Variants in ANKFY1 observed in about 807,000 individuals in gnomAD.
ANKFY1 encodes ankyrin repeat and FYVE domain-containing protein 1.
ANKFY1 carries 47 observed loss-of-function variants against 128.3 expected under a neutral mutation model. The ratio of observed to expected loss-of-function variants is 0.37; its 90% CI spans 0.29 to 0.47. The LOEUF is 0.47. Ranked by LOEUF, ANKFY1 falls within the 20% of genes least tolerant of loss-of-function variation. The pLI is 1.00. For synonymous variants in ANKFY1, 553 were observed against 601.6 expected, an observed-to-expected ratio of 0.92 and a Z score of 1.18; for missense variants, 1,222 against 1,510.6, an observed-to-expected ratio of 0.81 and a Z score of 3.17.
intron 7 of ANKFY1, among the ~76,000 whole-genome samples, chr17:4,198,124 C>T (rs562090820): frequency 8.7e-5 from 13 of 148,682 alleles, no homozygotes; most frequent in African/African-American, 3.0e-4. Flanking sequence ...AGCAAAACTC[C>T]GTCTTAAAAA....
chr17:4,167,771 G>A lies in ANKFY1; in HGVS notation c.*8C>T, dbSNP rs2059236140. The A allele has an allele frequency of 3.1e-6, 5 of 1,612,098 alleles. No individual in the cohort carries two copies. The highest frequency in any genetic ancestry group is 4.2e-6 in the Non-Finnish European group (5 of 1,178,776). ...CAAGGACGTGGCCTGGACCCTCCGG[G>A]GGGCTCACTAAGAAACCCCACCCAG... On this transcript the variant is annotated 3_prime_UTR_variant, in exon 25 of 25. Coordinates refer to ENST00000341657, the MANE Select transcript of ANKFY1 (RefSeq NM_001330063.2). The surrounding 1 kb of genome is among the most constrained non-coding windows in gnomAD (Gnocchi z 4.1).
intron 1 of ANKFY1, 106 bp downstream of exon 1, chr17:4,263,826 C>T: frequency 3.1e-6 from 5 of 1,610,050 alleles, no homozygotes; most frequent in Non-Finnish European, 4.2e-6. Context: ...CCCGCGGAGC[C>T]CCCATGCAAC....
At chr17:4,218,035 C>T (rs974407021) in intron 3 of ANKFY1, among the ~76,000 whole-genome samples, 3 of 152,052 alleles carry the variant, frequency 2.0e-5, no homozygotes, top group African/African-American at 4.8e-5. Context: ...AATAAAAAGA[C>T]GGATACCCAA....
intron 4 of ANKFY1, among the ~76,000 whole-genome samples, chr17:4,211,522 T>C (rs1038743690): frequency 1.3e-5 from 2 of 151,930 alleles, no homozygotes; most frequent in Non-Finnish European, 2.9e-5. Context: ...CTACAATGGA[T>C]GTCCTCATAA....
Position 4,259,525 on chromosome 17 carries a change from G to A in ANKFY1, c.10+4407C>T, listed in dbSNP as rs558921305. Among the ~76,000 whole-genome samples the A allele has an allele frequency of 3.9e-5, 6 of 152,202 alleles. No homozygotes were observed. In the South Asian group the frequency reaches 6.2e-4, roughly 16 times the overall value. Reference sequence around the variant, plus strand: ...TGGAACTCCTGACCTCAAGTGATCCGCCCACCTTGGCCTCCCAAAGTGCTG... The same window carrying A: ...TGGAACTCCTGACCTCAAGTGATCCACCCACCTTGGCCTCCCAAAGTGCTG... On this transcript the variant is annotated intron_variant, in intron 1 of 24. Coordinates refer to ENST00000341657, the MANE Select transcript of ANKFY1 (RefSeq NM_001330063.2).
chr17:4,196,142 A>T, intron 8 of ANKFY1, among the ~76,000 whole-genome samples: 1 of 29,818 alleles, frequency 3.4e-5, no homozygotes, highest in Non-Finnish European at 6.6e-5. Context: ...GGCTGCATCT[A>T]CTACACACAC....
intron 1 of ANKFY1, among the ~76,000 whole-genome samples, chr17:4,256,504 G>C (rs1968136111): frequency 6.6e-6 from 1 of 152,162 alleles, no homozygotes; most frequent in Non-Finnish European, 1.5e-5. Context: ...AATGGAACGA[G>C]GGAGAGAGGA....
chr17:4,249,000 C>T, intron 1 of ANKFY1: 1 of 384,810 alleles, frequency 2.6e-6, no homozygotes, highest in Non-Finnish European at 3.6e-6. Flanking sequence ...ACAAAACATG[C>T]TTAAGACAAA....
rs2059180007 is a variant in ANKFY1, at chr17:4,164,644, G to A, written c.*3135C>T. On this transcript the variant is annotated 3_prime_UTR_variant, in exon 25 of 25. Coordinates refer to ENST00000341657, the MANE Select transcript of ANKFY1 (RefSeq NM_001330063.2). ...AGTTCAAAAGTGTTCTTTTTCTCCA[G>A]ATAAAAGAAACCTAGATGGAGGTCA... The A allele has an allele frequency of 6.6e-6, 1 of 152,204 alleles. No individual in the cohort carries two copies. Among genetic ancestry groups the A allele is most frequent in the Admixed American group, 6.5e-5 (1 of 15,290 alleles). The allele number at this position is 152,204 out of a possible 1,614,324, so 9.4% of individuals were successfully genotyped here. A position where few individuals can be genotyped will look rare whatever the true frequency, so the allele number is the denominator to read the frequency against.
At chr17:4,243,197 G>C (rs552005170) in intron 1 of ANKFY1, among the ~76,000 whole-genome samples, 1 of 152,024 alleles carries the variant, frequency 6.6e-6, no homozygotes. Flanking sequence ...CTCCTGAGTA[G>C]CTGGGACTAC....
chr17:4,207,493 T>C lies in ANKFY1; in HGVS notation c.732+440A>G, dbSNP rs545196350. Among the ~76,000 whole-genome samples the C allele has an allele frequency of 3.9e-5, 6 of 152,312 alleles. No individual in the cohort carries two copies. The East Asian group carries it at 1.2e-3, about 29-fold the overall frequency. On this transcript the variant is annotated intron_variant, in intron 6 of 24. Transcript: ENST00000341657. ...AATAAGCAGGAAATGGATTCTCCTC[T>C]TGAGTCTCTGGAAAGAAGCACAGCC...
chr17:4,249,880 A>C (rs1967740650), intron 1 of ANKFY1, among the ~76,000 whole-genome samples: 1 of 137,320 alleles, frequency 7.3e-6, no homozygotes. Flanking sequence ...TTACCTCCCT[A>C]ACCTTCTGAA....
intron 1 of ANKFY1, chr17:4,249,115 C>T: frequency 1.0e-6 from 1 of 985,246 alleles, no homozygotes; most frequent in Non-Finnish European, 1.2e-6. Context: ...ATGGCACAGT[C>T]AGAAGAGAAA....
chr17:4,165,419 G>C lies in ANKFY1; in HGVS notation c.*2360C>G, dbSNP rs1442849170. 6.6e-6 allele frequency: 1 copy of C among 152,218 alleles called. No homozygotes were observed. Among genetic ancestry groups the C allele is most frequent in the Admixed American group, 6.5e-5 (1 of 15,282 alleles). The allele number at this position is 152,218 out of a possible 1,614,324, so 9.4% of individuals were successfully genotyped here. ...TTACAACAGCTAGGCAGGTTTGTAC[G>C]CAAGTGTTGACAGCAGGGAGAGCAC... is the stretch of plus-strand genomic sequence containing the variant. On this transcript the variant is annotated 3_prime_UTR_variant, in exon 25 of 25. Coordinates refer to ENST00000341657, the MANE Select transcript of ANKFY1 (RefSeq NM_001330063.2).
In ANKFY1 at chr17:4,166,306, A is replaced by C. The variant is rs1292080316; in HGVS notation, c.*1473T>G. 6.6e-6 allele frequency: 1 copy of C among 152,512 alleles called. No homozygotes were observed. The highest frequency in any genetic ancestry group is 2.4e-5 in the African/African-American group (1 of 41,472). 9.4% of individuals were successfully genotyped at this position (152,512 alleles called of 1,614,324 possible). ...GCAAAAATATTTAGTCCCTTTACAC[A>C]TATAGTCAAACTTCATTAATGCAAA... On this transcript the variant is annotated 3_prime_UTR_variant, in exon 25 of 25. Coordinates refer to ENST00000341657, the MANE Select transcript of ANKFY1 (RefSeq NM_001330063.2).
chr17:4,235,099 T>C (rs1424307802), intron 3 of ANKFY1, among the ~76,000 whole-genome samples: 1 of 152,012 alleles, frequency 6.6e-6, no homozygotes, highest in Non-Finnish European at 1.5e-5. Flanking sequence ...TCCCAGCACT[T>C]TGGGAGGCTG....
At chr17:4,222,353 T>TGTGACAAA (rs201738941) in intron 3 of ANKFY1, 9,644 of 769,610 alleles carry the variant, frequency 0.013, 105 homozygotes, top group African/African-American at 0.04. Flanking sequence ...GACCTTATTA[T>TGTGACAAA]TCACTACGCT....
intron 3 of ANKFY1, among the ~76,000 whole-genome samples, chr17:4,226,479 A>C (rs936621575): frequency 6.6e-6 from 1 of 152,260 alleles, no homozygotes; most frequent in African/African-American, 2.4e-5. Context: ...GTATTAGAAA[A>C]GATCTAAAAT....
At position 4,192,776 on chromosome 17, in the gene ANKFY1, C is replaced by T. The variant is rs138632094; in HGVS notation, c.1372+2202G>A. Among the ~76,000 whole-genome samples the T allele has an allele frequency of 7.3e-3, 1,110 of 152,236 alleles. 4 individuals carry two copies. Among genetic ancestry groups the T allele is most frequent in the Non-Finnish European group, 0.011 (779 of 68,016 alleles). On this transcript the variant is annotated intron_variant, in intron 10 of 24. Transcript: ENST00000341657. ...AAGCGAGTGGACGAATTGGCTGGTC[C>T]GGGTGCAGTGGTGTTTAAAACTCAT...
Sources: gnomAD v4.1 joint callset for allele counts (sites outside exome capture counted in the v4.1 genomes callset) on GRCh38, gnomAD v4.1.1 for gene constraint, Gnocchi (gnomAD v3.1) non-coding constraint, MANE v1.5 for transcripts, NCBI Gene and HGNC (gene_info 2026-07-23, HGNC 2026-07-21) for gene names.